SEC24D: variants seen among roughly 807,000 people sequenced by gnomAD.
The protein encoded by SEC24D is SEC24 homolog D, COPII component.
Under a neutral mutation model 116.9 loss-of-function variants are expected in SEC24D, and 69 were observed. That is an observed-to-expected ratio of 0.59 (90% confidence interval 0.49 to 0.72). The LOEUF (loss-of-function observed/expected upper bound fraction) is 0.72, where lower values mean the gene tolerates loss of function less well. SEC24D is among the 30% of genes least tolerant of loss of function. The pLI is 0.00. For synonymous variants in SEC24D, 405 were observed against 442.8 expected (o/e 0.91, Z 1.07); for missense variants, 1,131 against 1,264.1 (o/e 0.89, Z 1.60).
chr4:118,743,254 T>C (rs1726324841), intron 15 of SEC24D, among the ~76,000 whole-genome samples: 1 of 152,072 alleles, frequency 6.6e-6, no homozygotes, highest in Non-Finnish European at 1.5e-5. Flanking sequence ...AAGCTCACAT[T>C]GATATTTGAC....
intron 6 of SEC24D, among the ~76,000 whole-genome samples, chr4:118,811,237 G>A (rs571492649): frequency 3.3e-5 from 5 of 152,180 alleles, no homozygotes; most frequent in African/African-American, 1.2e-4. Context: ...ATCCAGGTTT[G>A]GGGAGAGGCC....
chr4:118,802,748 C>A (rs1729499617), intron 7 of SEC24D, among the ~76,000 whole-genome samples: 3 of 152,158 alleles, frequency 2.0e-5, no homozygotes. Flanking sequence ...ACAGTATATA[C>A]TCCAAAGAAG....
At chr4:118,796,350 T>C (rs911032004) in intron 8 of SEC24D, among the ~76,000 whole-genome samples, 2 of 152,180 alleles carry the variant, frequency 1.3e-5, no homozygotes, top group African/African-American at 4.8e-5. Context: ...TTATAAATAT[T>C]ATATTAAATT....
At chr4:118,763,328 A>G (rs934753638) in intron 10 of SEC24D, among the ~76,000 whole-genome samples, 1 of 152,196 alleles carries the variant, frequency 6.6e-6, no homozygotes, top group African/African-American at 2.4e-5. Context: ...AATAAATGCA[A>G]TAAGTTATGT....
chr4:118,834,778 G>A (rs975862749), intron 1 of SEC24D, among the ~76,000 whole-genome samples: 11 of 152,038 alleles, frequency 7.2e-5, no homozygotes, highest in Admixed American at 4.6e-4. Context: ...CAGTTTATTT[G>A]CCCCATACAA....
At chr4:118,822,576 AT>A (rs1369820121) in intron 3 of SEC24D, among the ~76,000 whole-genome samples, 2 of 151,740 alleles carry the variant, frequency 1.3e-5, no homozygotes, top group Non-Finnish European at 2.9e-5. Flanking sequence ...GTTTACAACA[AT>A]TTTTTTTGCC....
intron 8 of SEC24D, among the ~76,000 whole-genome samples, chr4:118,781,315 TGTAAA>T (rs1728402992): frequency 6.6e-6 from 1 of 152,218 alleles, no homozygotes; most frequent in Non-Finnish European, 1.5e-5. Context: ...TTTGCTTGTC[TGTAAA>T]GTATTTTATT....
chr4:118,804,113 C>T (rs879542803), intron 7 of SEC24D, among the ~76,000 whole-genome samples: 4 of 151,880 alleles, frequency 2.6e-5, no homozygotes, highest in African/African-American at 9.7e-5. Flanking sequence ...TAATGTGATA[C>T]GGGTGAAATA....
At chr4:118,768,416 A>AC in intron 8 of SEC24D, 105 bp from the exon 9 acceptor site, 1 of 713,144 alleles carries the variant, frequency 1.4e-6, no homozygotes, top group Non-Finnish European at 2.2e-6. Context: ...TTTTTTTGAG[A>AC]CAGAGTCTTG....
chr4:118,798,842 T>G (rs752104200), intron 7 of SEC24D, among the ~76,000 whole-genome samples: 5 of 152,204 alleles, frequency 3.3e-5, no homozygotes, highest in African/African-American at 4.8e-5. Context: ...GGGAAGGACA[T>G]GCCCGGAGTA....
intron 3 of SEC24D, among the ~76,000 whole-genome samples, chr4:118,820,661 C>CTT (rs35175042): frequency 0.043 from 6,349 of 146,910 alleles, 181 homozygotes; most frequent in Non-Finnish European, 0.064. Flanking sequence ...GGAGTGATCC[C>CTT]TTTTTTTTTT....
At chr4:118,773,146 T>G (rs936934869) in intron 8 of SEC24D, among the ~76,000 whole-genome samples, 2 of 152,184 alleles carry the variant, frequency 1.3e-5, no homozygotes, top group Admixed American at 1.3e-4. Flanking sequence ...TCCCCCTTTT[T>G]TTTCTCTCTT....
chr4:118,806,222 A>G (rs1446641912), intron 6 of SEC24D, among the ~76,000 whole-genome samples: 1 of 152,176 alleles, frequency 6.6e-6, no homozygotes, highest in Non-Finnish European at 1.5e-5. Flanking sequence ...TTCCAATTCT[A>G]TTTTGTAATT....
At chr4:118,829,080 A>G (rs529118180) in intron 2 of SEC24D, among the ~76,000 whole-genome samples, 2 of 152,270 alleles carry the variant, frequency 1.3e-5, no homozygotes, top group East Asian at 3.9e-4. Context: ...TTCCTTTACA[A>G]TAGTACTTCC....
chr4:118,811,920 A>G (rs535329690), intron 6 of SEC24D, among the ~76,000 whole-genome samples: 129 of 152,342 alleles, frequency 8.5e-4, no homozygotes, highest in Admixed American at 2.7e-3. Flanking sequence ...ACTTCCCTGT[A>G]TCAATGCTCT....
At chr4:118,772,816 T>C (rs1408689244) in intron 8 of SEC24D, among the ~76,000 whole-genome samples, 1 of 152,194 alleles carries the variant, frequency 6.6e-6, no homozygotes, top group African/African-American at 2.4e-5. Flanking sequence ...CCTAGCTTCC[T>C]GTTGGAACAT....
intron 7 of SEC24D, among the ~76,000 whole-genome samples, chr4:118,804,633 G>A (rs1729590406): frequency 1.3e-5 from 2 of 151,430 alleles, no homozygotes; most frequent in African/African-American, 4.9e-5. Context: ...TATCTACCAA[G>A]CCCTAAATCC....
chr4:118,725,191 C>G (rs1484238299), intron 22 of SEC24D, among the ~76,000 whole-genome samples: 1 of 152,136 alleles, frequency 6.6e-6, no homozygotes, highest in African/African-American at 2.4e-5. Flanking sequence ...CATGTGGATA[C>G]AGATATGTGT....
At chr4:118,771,905 C>T (rs1162603088) in intron 8 of SEC24D, among the ~76,000 whole-genome samples, 1 of 152,036 alleles carries the variant, frequency 6.6e-6, no homozygotes, top group African/African-American at 2.4e-5. Flanking sequence ...AAAGTACACA[C>T]AAATGCCATG....
Sources: allele counts gnomAD v4.1 joint callset (sites outside exome capture counted in the v4.1 genomes callset), GRCh38; gene constraint gnomAD v4.1.1; transcripts MANE v1.5; gene names NCBI Gene and HGNC (gene_info 2026-07-23, HGNC 2026-07-21).